The following DIP2C variants were observed in gnomAD, a reference collection of about 807,000 sequenced individuals.
DIP2C encodes the protein disco-interacting protein 2 homolog C.
A neutral mutation model predicts 192.4 loss-of-function variants in DIP2C; 33 were observed. The ratio of observed to expected loss-of-function variants is 0.17; its 90% CI spans 0.13 to 0.23. The LOEUF (loss-of-function observed/expected upper bound fraction) is 0.23, where lower values mean the gene tolerates loss of function less well. Ranked by LOEUF, DIP2C falls within the 10% of genes least tolerant of loss-of-function variation. The pLI, the probability that DIP2C is intolerant of heterozygous loss-of-function variation, is 1.00. For synonymous variants in DIP2C, 979 were observed against 864.1 expected, an observed-to-expected ratio of 1.13 and a Z score of -2.33; for missense variants, 1,537 against 2,110.1, an observed-to-expected ratio of 0.73 and a Z score of 5.32.
chr10:519,634 C>T (rs1288577970), intron 1 of DIP2C, among the ~76,000 whole-genome samples: 1 of 152,254 alleles, frequency 6.6e-6, no homozygotes, highest in East Asian at 1.9e-4. Context: ...AGGGGCCCAG[C>T]AGTCACCTAC....
rs1856803106 is a variant in DIP2C at position 662,206 on chromosome 10, C to T, written c.85+27288G>A. On this transcript the variant is annotated intron_variant, in intron 1 of 36. Coordinates refer to ENST00000280886, the MANE Select transcript of DIP2C (RefSeq NM_014974.3). ...TTTATCTATACACAAAGAGTACAGGCCTCACACCTGCTCTCATTCCTGGGT... is the reference window on the plus strand; with the variant it reads ...TTTATCTATACACAAAGAGTACAGGTCTCACACCTGCTCTCATTCCTGGGT... 4.4e-6 allele frequency: 3 copies of T among 686,342 alleles called. No homozygotes were observed. The East Asian group carries it at 8.1e-5, about 18-fold the overall frequency. The allele number at this position is 686,342 out of a possible 1,614,324, so 42.5% of individuals were successfully genotyped here.
chr10:305,995 T>TATATA (rs1564531224), intron 32 of DIP2C, among the ~76,000 whole-genome samples: 128 of 141,362 alleles, frequency 9.1e-4, no homozygotes, highest in African/African-American at 3.7e-3. Context: ...ATATATATAT[T>TATATA]ATATTTTTTT....
intron 1 of DIP2C, among the ~76,000 whole-genome samples, chr10:590,436 A>AG (rs1373837489): frequency 1.3e-5 from 2 of 152,236 alleles, no homozygotes; most frequent in African/African-American, 2.4e-5. Flanking sequence ...TGGTGACACA[A>AG]GGCCCAGTTC....
chr10:590,854 G>GC (rs1321173357), intron 1 of DIP2C, among the ~76,000 whole-genome samples: 2 of 152,188 alleles, frequency 1.3e-5, no homozygotes, highest in Non-Finnish European at 2.9e-5. Flanking sequence ...AGGTGAAGGG[G>GC]CCGCCTCCCT....
chr10:355,269 T>A (rs940513087), intron 24 of DIP2C, among the ~76,000 whole-genome samples: 4 of 152,214 alleles, frequency 2.6e-5, no homozygotes, highest in Non-Finnish European at 4.4e-5. Flanking sequence ...CAACTCAGCA[T>A]CCGTGACAAC....
intron 1 of DIP2C, chr10:649,820 G>A: frequency 2.3e-6 from 1 of 442,916 alleles, no homozygotes; most frequent in Non-Finnish European, 4.0e-6. Context: ...CTTTCTGGCA[G>A]AAAACCATTG....
intron 1 of DIP2C, among the ~76,000 whole-genome samples, chr10:622,951 G>A (rs1258081989): frequency 6.6e-6 from 1 of 152,232 alleles, no homozygotes; most frequent in Non-Finnish European, 1.5e-5. Flanking sequence ...CAATTACCCA[G>A]CTTCAGCCTG....
At chr10:582,422 A>G (rs945387336) in intron 1 of DIP2C, among the ~76,000 whole-genome samples, 2 of 152,130 alleles carry the variant, frequency 1.3e-5, no homozygotes, top group African/African-American at 4.8e-5. Context: ...CCCTGCAACA[A>G]AGAAAAGAAA....
rs1391946981 is a variant in DIP2C, at chr10:552,972, A to AGG, written c.86-66444_86-66443dup. ...CGAGCCTTTGCTCAGCAGATGAGGG[A>AGG]GGGGATCAGCCACCCTAGGGAAGAA... On this transcript the variant is annotated intron_variant, in intron 1 of 36. Transcript: ENST00000280886. Among the ~76,000 whole-genome samples the AGG allele has an allele frequency of 6.6e-5, 10 of 152,362 alleles. 1 individual carries two copies. In the South Asian group the frequency reaches 1.9e-3, roughly 28 times the overall value.
intron 4 of DIP2C, among the ~76,000 whole-genome samples, chr10:435,807 T>C (rs1034713536): frequency 2.0e-5 from 3 of 152,212 alleles, no homozygotes; most frequent in Non-Finnish European, 4.4e-5. Flanking sequence ...TATTTTCTTT[T>C]CGTTCTTTGA....
At position 276,240 on chromosome 10, in the gene DIP2C, T is replaced by C. The variant is rs1019549613; in HGVS notation, c.*1085A>G. On this transcript the variant is annotated 3_prime_UTR_variant, in exon 37 of 37. Transcript: ENST00000280886. ...TGTCCCACAGCAAAGAAAAAAATAGTGCACATTGAGCTTTGAATTCTTTTG... is the reference window on the plus strand; with the variant it reads ...TGTCCCACAGCAAAGAAAAAAATAGCGCACATTGAGCTTTGAATTCTTTTG... 1.3e-5 allele frequency: 2 copies of C among 152,608 alleles called. No individual in the cohort carries two copies. Among genetic ancestry groups the C allele is most frequent in the Non-Finnish European group, 2.9e-5 (2 of 68,026 alleles). 9.5% of individuals were successfully genotyped at this position (152,608 alleles called of 1,614,324 possible). A position where few individuals can be genotyped will look rare whatever the true frequency, so the allele number is the denominator to read the frequency against.
chr10:378,472 A>AAGACATGCATACATGTAAACAC (rs1391317459), intron 17 of DIP2C, among the ~76,000 whole-genome samples: 1 of 151,756 alleles, frequency 6.6e-6, no homozygotes, highest in Non-Finnish European at 1.5e-5. Flanking sequence ...TGCCTAGACA[A>AAGACATGCATACATGTAAACAC]AGACATGCAT....
rs1345936245 is a variant in DIP2C at position 486,480 on chromosome 10, C to A, written c.136G>T (p.Ala46Ser). The A allele has an allele frequency of 6.2e-7, 1 of 1,603,440 alleles. No homozygotes were observed. Among genetic ancestry groups the A allele is most frequent in the African/African-American group, 1.3e-5 (1 of 74,408 alleles). Reference sequence around the variant, plus strand: ...CTACTCGGAGGCTGCGGAAGGTAGGCTCCAATTAACTTTGACCTCTTCTTT... The same window carrying A: ...CTACTCGGAGGCTGCGGAAGGTAGGATCCAATTAACTTTGACCTCTTCTTT... Reference protein sequence around the residue: ...YEKKRSKLIGAYLPQPPRVDQ... With the variant: ...YEKKRSKLIGSYLPQPPRVDQ... Residue 46 changes from alanine (A) to serine (S), a missense_variant, in exon 2 of 37, where the codon GCC becomes TCC. Around this residue, in one of 4 missense-constraint regions of DIP2C, gnomAD observed 473 missense variants for 539.6 expected, o/e 0.88. Transcript: ENST00000280886.
intron 1 of DIP2C, among the ~76,000 whole-genome samples, chr10:599,538 C>CA (rs1371308094): frequency 1.3e-5 from 2 of 152,178 alleles, no homozygotes; most frequent in Non-Finnish European, 1.5e-5. Flanking sequence ...ACCAGCTGTT[C>CA]ACTCGTGGGT....
chr10:334,920 C>A (rs1010447246), intron 29 of DIP2C, among the ~76,000 whole-genome samples: 1 of 152,082 alleles, frequency 6.6e-6, no homozygotes, highest in African/African-American at 2.4e-5. Context: ...TATTGTGGGT[C>A]CTTTATATTT....
intron 1 of DIP2C, among the ~76,000 whole-genome samples, chr10:577,821 G>C: frequency 7.0e-6 from 1 of 143,174 alleles, no homozygotes; most frequent in Admixed American, 6.9e-5. Flanking sequence ...TTGTTTTTTT[G>C]TGTTTTTTTT....
At chr10:428,956 C>T (rs957008304) in intron 4 of DIP2C, among the ~76,000 whole-genome samples, 1 of 152,044 alleles carries the variant, frequency 6.6e-6, no homozygotes, top group Non-Finnish European at 1.5e-5. Flanking sequence ...CTTATCCTTT[C>T]CAACTCCACA....
chr10:405,806 T>A (rs1227808044), intron 9 of DIP2C, among the ~76,000 whole-genome samples: 1 of 152,136 alleles, frequency 6.6e-6, no homozygotes, highest in Non-Finnish European at 1.5e-5. Context: ...GGCTGAAGGA[T>A]TCCCAGCTCC....
At chr10:635,568 AGCGGCCGCGCAGTGTGGGCTGCAGCT>A (rs1854779629) in intron 1 of DIP2C, among the ~76,000 whole-genome samples, 1 of 152,236 alleles carries the variant, frequency 6.6e-6, no homozygotes, top group African/African-American at 2.4e-5. Context: ...CAGAAGCAGA[AGCGGCCGCGCAGTGTGGGCTGCAGCT>A]GCGGGGAAGC....
Sources: gnomAD v4.1 joint callset for allele counts (sites outside exome capture counted in the v4.1 genomes callset) on GRCh38, gnomAD v4.1.1 for gene constraint, gnomAD v4.1.1 regional missense constraint, MANE v1.5 for transcripts, NCBI Gene and HGNC (gene_info 2026-07-23, HGNC 2026-07-21) for gene names.